ZFAND4: variants seen among roughly 807,000 people sequenced by gnomAD.
ZFAND4 encodes the protein AN1-type zinc finger protein 4.
In ZFAND4, 43 loss-of-function variants were observed where a neutral mutation model predicts 64.4. The ratio of observed to expected loss-of-function variants is 0.67; its 90% CI spans 0.52 to 0.86. The LOEUF is 0.86. Among genes scored for constraint, ZFAND4 ranks in the 40% least tolerant of loss-of-function variants. ZFAND4 has a pLI of 0.00. For synonymous variants in ZFAND4, 296 were observed against 305.7 expected (o/e 0.97, Z 0.33); for missense variants, 929 against 859.8 (o/e 1.08, Z -1.01).
intron 6 of ZFAND4, among the ~76,000 whole-genome samples, 168 bp from the exon 7 acceptor site, chr10:45,627,273 C>T (rs1237744312): frequency 1.3e-5 from 2 of 152,106 alleles, no homozygotes; most frequent in Non-Finnish European, 2.9e-5. Context: ...AGAGAAGATG[C>T]TATTTTCCTT....
intron 2 of ZFAND4, among the ~76,000 whole-genome samples, chr10:45,656,186 G>A (rs570969328): frequency 1.3e-5 from 2 of 152,012 alleles, no homozygotes; most frequent in Non-Finnish European, 2.9e-5. Flanking sequence ...AGCTGAGATC[G>A]CACCACTGCA....
At position 45,624,778 on chromosome 10, in the gene ZFAND4, T is replaced by C. The variant is rs543946409; in HGVS notation, c.1873-141A>G. On this transcript the variant is annotated intron_variant, in intron 7 of 9. Coordinates refer to ENST00000344646, the MANE Select transcript of ZFAND4 (RefSeq NM_174890.4). ...TTATTTATTCCAATTTTTGTTTAAT[T>C]AAATTAACTCAGAACCTGATTCCAC... 1.5e-3 allele frequency: 1,023 copies of C among 685,960 alleles called. 2 individuals carry two copies. The highest frequency in any genetic ancestry group is 2.0e-3 in the Non-Finnish European group (839 of 413,228). 42.5% of individuals were successfully genotyped at this position (685,960 alleles called of 1,614,324 possible). A position where few individuals can be genotyped will look rare whatever the true frequency, so the allele number is the denominator to read the frequency against.
At chr10:45,670,976 C>T (rs190374741) in intron 1 of ZFAND4, among the ~76,000 whole-genome samples, 1 of 152,054 alleles carries the variant, frequency 6.6e-6, no homozygotes, top group East Asian at 1.9e-4. Flanking sequence ...AGAACTTAGA[C>T]AAATTTTCAA....
intron 6 of ZFAND4, among the ~76,000 whole-genome samples, chr10:45,632,665 C>G (rs1470508712): frequency 6.6e-6 from 1 of 152,060 alleles, no homozygotes; most frequent in Non-Finnish European, 1.5e-5. Context: ...CAAAAGCCTT[C>G]TGAAATACCA....
chr10:45,661,090 G>GCT (rs1257306566), intron 2 of ZFAND4, among the ~76,000 whole-genome samples: 1 of 152,182 alleles, frequency 6.6e-6, no homozygotes, highest in Non-Finnish European at 1.5e-5. Flanking sequence ...GGGCCTGGTG[G>GCT]CTCAGGTCTG....
At position 45,616,399 on chromosome 10, in the gene ZFAND4, C is replaced by A. The variant is rs753037921; in HGVS notation, c.*37G>T. 10 of 1,603,466 alleles carry A rather than the reference C, an allele frequency of 6.2e-6. No individual in the cohort carries two copies. In the South Asian group the frequency reaches 1.0e-4, roughly 16 times the overall value. The stretch of plus-strand genomic sequence containing the variant: ...CAACATTTCTTCTGTCATTATAATA[C>A]GAATCCCGGGCAGAACAGTAAGATG... On this transcript the variant is annotated 3_prime_UTR_variant, in exon 10 of 10. Coordinates refer to ENST00000344646, the MANE Select transcript of ZFAND4 (RefSeq NM_174890.4).
intron 6 of ZFAND4, among the ~76,000 whole-genome samples, chr10:45,629,619 G>A (rs1027526515): frequency 1.3e-5 from 2 of 152,114 alleles, no homozygotes; most frequent in African/African-American, 4.8e-5. Flanking sequence ...CCAGCACTTT[G>A]GGAGGCCAAG....
chr10:45,618,359 A>G, intron 8 of ZFAND4, 99 bp from the exon 9 acceptor site: 1 of 1,390,902 alleles, frequency 7.2e-7, no homozygotes, highest in Non-Finnish European at 9.7e-7. Context: ...CAAAGTAAAT[A>G]TCTATGCCAT....
intron 6 of ZFAND4, 96 bp downstream of exon 6, chr10:45,639,720 C>G: frequency 7.1e-7 from 1 of 1,414,078 alleles, no homozygotes; most frequent in South Asian, 1.6e-5. Context: ...ATGAATAATA[C>G]TTTATAATTT....
chr10:45,631,026 T>C (rs2133611077), intron 6 of ZFAND4, among the ~76,000 whole-genome samples: 1 of 146,658 alleles, frequency 6.8e-6, no homozygotes, highest in Non-Finnish European at 1.5e-5. Context: ...ATGTATAAAA[T>C]AAGCTCCAAA....
At chr10:45,643,814 G>C (rs2047194262) in intron 5 of ZFAND4, among the ~76,000 whole-genome samples, 1 of 151,926 alleles carries the variant, frequency 6.6e-6, no homozygotes, top group Non-Finnish European at 1.5e-5. Context: ...TAGAGTAGAA[G>C]CCAGCAAACC....
intron 6 of ZFAND4, among the ~76,000 whole-genome samples, chr10:45,630,993 A>G (rs569219978): frequency 6.6e-6 from 1 of 150,638 alleles, no homozygotes; most frequent in Non-Finnish European, 1.5e-5. Flanking sequence ...AAGAAAGAAA[A>G]GACCACGACG....
intron 5 of ZFAND4, among the ~76,000 whole-genome samples, chr10:45,647,432 T>G (rs557873826): frequency 7.9e-5 from 12 of 151,842 alleles, no homozygotes; most frequent in South Asian, 2.1e-4. Flanking sequence ...CTGTTTTTTT[T>G]TTTTTTTTTT....
rs769967151 is a variant in ZFAND4, at chr10:45,616,173, T to C, written c.*263A>G. On this transcript the variant is annotated 3_prime_UTR_variant, in exon 10 of 10. Coordinates refer to ENST00000344646, the MANE Select transcript of ZFAND4 (RefSeq NM_174890.4). Reference sequence around the variant, plus strand: ...TGCCTAGTAAAACTGCAATATCATATACAAAACACTTAACACAAGACATGC... The same window carrying C: ...TGCCTAGTAAAACTGCAATATCATACACAAAACACTTAACACAAGACATGC... The C allele has an allele frequency of 7.2e-6, 3 of 419,410 alleles. No homozygotes were observed. The highest frequency in any genetic ancestry group is 4.1e-5 in the Admixed American group (1 of 24,186). The allele number at this position is 419,410 out of a possible 1,614,324, so 26.0% of individuals were successfully genotyped here.
intron 6 of ZFAND4, among the ~76,000 whole-genome samples, chr10:45,630,588 C>T (rs964041863): frequency 5.3e-5 from 8 of 151,668 alleles, no homozygotes; most frequent in Admixed American, 1.3e-4. Context: ...ATTAGCCGGG[C>T]GTGGTGGCAG....
chr10:45,617,979 T>C (rs2045124910), intron 9 of ZFAND4, 161 bp downstream of exon 9: 1 of 657,580 alleles, frequency 1.5e-6, no homozygotes, highest in Non-Finnish European at 2.4e-6. Context: ...AGCTATCTAC[T>C]TGTTCTTTAC....
At chr10:45,619,692 T>A (rs1237848700) in intron 8 of ZFAND4, among the ~76,000 whole-genome samples, 2 of 152,028 alleles carry the variant, frequency 1.3e-5, no homozygotes, top group Non-Finnish European at 2.9e-5. Context: ...TAATTGGTTC[T>A]ATGTCTTTTT....
At chr10:45,650,541 A>G (rs1205835798) in intron 4 of ZFAND4, 2 of 151,980 alleles carry the variant, frequency 1.3e-5, no homozygotes, top group Non-Finnish European at 1.5e-5. Context: ...AAAAATATAT[A>G]TATTTACCTC....
chr10:45,670,728 C>A (rs2049126925), intron 1 of ZFAND4, among the ~76,000 whole-genome samples: 1 of 152,154 alleles, frequency 6.6e-6, no homozygotes, highest in African/African-American at 2.4e-5. Flanking sequence ...ACCATAAAAA[C>A]CCTAGAAGAA....
Sources: gnomAD v4.1 joint callset for allele counts (sites outside exome capture counted in the v4.1 genomes callset) on GRCh38, gnomAD v4.1.1 for gene constraint, MANE v1.5 for transcripts, NCBI Gene and HGNC (gene_info 2026-07-23, HGNC 2026-07-21) for gene names.